Variants in CHRNA7 observed in about 807,000 individuals in gnomAD.
The protein encoded by CHRNA7 is neuronal acetylcholine receptor subunit alpha-7.
Under a neutral mutation model 48.0 loss-of-function variants are expected in CHRNA7, and 17 were observed. That is an observed-to-expected ratio of 0.35 (90% CI 0.24 to 0.53). CHRNA7 has a LOEUF of 0.53. Among genes scored for constraint, CHRNA7 ranks in the 20% least tolerant of loss-of-function variants. The probability of loss-of-function intolerance (pLI) is 0.92; values close to 1 mark genes in which losing one functional copy is unlikely to be tolerated. For synonymous variants in CHRNA7, 75 were observed against 242.3 expected, an observed-to-expected ratio of 0.31 and a Z score of 6.41; for missense variants, 155 against 577.7, an observed-to-expected ratio of 0.27 and a Z score of 7.50.
At chr15:32,101,208 G>GCT (rs1010753983) in intron 2 of CHRNA7, 95 bp from the exon 3 acceptor site, 1 of 1,321,974 alleles carries the variant, frequency 7.6e-7, no homozygotes, top group Admixed American at 2.0e-5. Flanking sequence ...ACACAACAAC[G>GCT]CTCTCGACAG....
In CHRNA7 at chr15:32,072,089, A is replaced by G. The variant is rs188850208; in HGVS notation, c.196-29214A>G. Among the ~76,000 whole-genome samples the G allele has an allele frequency of 1.4e-3, 208 of 152,336 alleles. 2 individuals carry two copies. The highest frequency in any genetic ancestry group is 2.2e-3 in the Non-Finnish European group (148 of 68,028). On this transcript the variant is annotated intron_variant, in intron 2 of 9. Transcript: ENST00000306901. ...AATGCTGATGGCAATATGGACAGTGAAAACCAGGCTGATGAAGTCTCAGAT... is the reference window on the plus strand; with the variant it reads ...AATGCTGATGGCAATATGGACAGTGGAAACCAGGCTGATGAAGTCTCAGAT...
chr15:32,100,062 C>T (rs919845429), intron 2 of CHRNA7: 1 of 152,198 alleles, frequency 6.6e-6, no homozygotes, highest in African/African-American at 2.4e-5. Context: ...TGGGCTGGGG[C>T]ACTGATGTCC....
intron 4 of CHRNA7, among the ~76,000 whole-genome samples, chr15:32,138,946 G>T (rs2051326051): frequency 6.6e-6 from 1 of 152,074 alleles, no homozygotes. Flanking sequence ...TAGAGACAGG[G>T]TTTCGTCATG....
At chr15:32,072,897 T>A (rs934883671) in intron 2 of CHRNA7, among the ~76,000 whole-genome samples, 1 of 152,206 alleles carries the variant, frequency 6.6e-6, no homozygotes, top group Non-Finnish European at 1.5e-5. Context: ...GGAAGCCTAT[T>A]GCAGGGGTGG....
chr15:32,147,379 T>C (rs1352637587), intron 4 of CHRNA7, among the ~76,000 whole-genome samples: 1 of 152,106 alleles, frequency 6.6e-6, no homozygotes, highest in Non-Finnish European at 1.5e-5. Flanking sequence ...CATGCACATG[T>C]ATGTCCTGAA....
chr15:32,147,796 A>T (rs1169168453), intron 4 of CHRNA7, among the ~76,000 whole-genome samples: 1 of 152,154 alleles, frequency 6.6e-6, no homozygotes, highest in East Asian at 1.9e-4. Flanking sequence ...TAAAATATAG[A>T]ACTAAAAAGA....
At chr15:32,151,363 T>C (rs2051625176) in intron 4 of CHRNA7, among the ~76,000 whole-genome samples, 1 of 152,212 alleles carries the variant, frequency 6.6e-6, no homozygotes, top group African/African-American at 2.4e-5. Flanking sequence ...AAGTGTATTC[T>C]TTCTCAGGTT....
chr15:32,083,990 C>G (rs1043851751), intron 2 of CHRNA7, among the ~76,000 whole-genome samples: 9 of 152,026 alleles, frequency 5.9e-5, no homozygotes, highest in Admixed American at 1.3e-4. Flanking sequence ...ATTAGATGGG[C>G]AATGGAATTT....
chr15:32,079,114 A>G (rs1419194181), intron 2 of CHRNA7, among the ~76,000 whole-genome samples: 3 of 152,254 alleles, frequency 2.0e-5, no homozygotes, highest in Non-Finnish European at 2.9e-5. Flanking sequence ...CTTCATGTTA[A>G]AAACTCTCAA....
intron 2 of CHRNA7, among the ~76,000 whole-genome samples, chr15:32,038,185 A>G (rs2049385201): frequency 6.7e-6 from 1 of 148,284 alleles, no homozygotes; most frequent in South Asian, 2.1e-4. Context: ...ATATAAACAT[A>G]TTTTGTATAT....
In CHRNA7 at chr15:32,139,581, GT is replaced by G. The variant is rs35818203; in HGVS notation, c.351-14313del. 2.3e-3 allele frequency among the ~76,000 whole-genome samples: 341 copies of G among 147,590 alleles called. 1 individual carries two copies. The highest frequency in any genetic ancestry group is 4.3e-3 in the African/African-American group (172 of 40,208). On this transcript the variant is annotated intron_variant, in intron 4 of 9. Coordinates refer to ENST00000306901, the MANE Select transcript of CHRNA7 (RefSeq NM_000746.6). ...CTAATAGATGCGTAGTGGTGTCTCA[GT>G]TTTTTTTTTTTTAATTTGTATTAAA...
chr15:32,119,004 A>T, intron 4 of CHRNA7, among the ~76,000 whole-genome samples: 1 of 109,764 alleles, frequency 9.1e-6, no homozygotes, highest in Middle Eastern at 5.6e-3. Flanking sequence ...AAAAAAAAAA[A>T]ATAGTGAGGG....
At chr15:32,119,206 A>G (rs1209040276) in intron 4 of CHRNA7, among the ~76,000 whole-genome samples, 29 of 152,136 alleles carry the variant, frequency 1.9e-4, no homozygotes. Context: ...TTGCTGGTGG[A>G]CCAATTCCCC....
intron 4 of CHRNA7, among the ~76,000 whole-genome samples, chr15:32,137,047 G>GAAA (rs1174484623): frequency 1.6e-5 from 2 of 123,532 alleles, no homozygotes; most frequent in Non-Finnish European, 3.2e-5. Context: ...AAAAAAAAAA[G>GAAA]AAAAAAAAAA....
chr15:32,146,318 T>A (rs1415153382), intron 4 of CHRNA7, among the ~76,000 whole-genome samples: 1 of 152,212 alleles, frequency 6.6e-6, no homozygotes, highest in African/African-American at 2.4e-5. Context: ...CATAGGGGTC[T>A]CACTTAATGC....
chr15:32,038,399 A>AT (rs57208647), intron 2 of CHRNA7, among the ~76,000 whole-genome samples: 40,064 of 151,658 alleles, frequency 0.26, 6,443 homozygotes, highest in East Asian at 0.61. Flanking sequence ...TAATCATATG[A>AT]TTTTTCTTTT....
chr15:32,037,160 G>A (rs1257234558), intron 2 of CHRNA7, among the ~76,000 whole-genome samples: 3 of 152,124 alleles, frequency 2.0e-5, no homozygotes, highest in African/African-American at 7.2e-5. Flanking sequence ...TTGTCCAGTT[G>A]TTGTAGCACC....
chr15:32,087,304 A>T (rs1431011043), intron 2 of CHRNA7, among the ~76,000 whole-genome samples: 2 of 152,200 alleles, frequency 1.3e-5, no homozygotes, highest in Non-Finnish European at 2.9e-5. Flanking sequence ...CCTCTGGCTT[A>T]ACAGCACTGG....
In CHRNA7 at chr15:32,030,636, G is replaced by A. The variant is rs1034760057; in HGVS notation, c.42G>A (p.Ala14=). 6 of 1,572,198 alleles carry A rather than the reference G, an allele frequency of 3.8e-6. No homozygotes were observed. Among genetic ancestry groups the A allele is most frequent in the African/African-American group, 1.4e-5 (1 of 71,616 alleles). The change falls in exon 1 of 10, where the codon GCG becomes GCA. Residue 14 remains alanine (A), a synonymous_variant. Coordinates refer to ENST00000306901, the MANE Select transcript of CHRNA7 (RefSeq NM_000746.6). ...SPGGVWLALA[A]SLLHVSLQGE... ...GAGGCGTCTGGCTGGCGCTGGCCGCGTCGCTCCTGCACGGTAAAGCCACTG... is the reference window on the plus strand; with the variant it reads ...GAGGCGTCTGGCTGGCGCTGGCCGCATCGCTCCTGCACGGTAAAGCCACTG...
Sources: gnomAD v4.1 joint callset for allele counts (sites outside exome capture counted in the v4.1 genomes callset) on GRCh38, gnomAD v4.1.1 for gene constraint, MANE v1.5 for transcripts, NCBI Gene and HGNC (gene_info 2026-07-23, HGNC 2026-07-21) for gene names.